The following GRIA3 variants were observed in gnomAD, a reference collection of about 807,000 sequenced individuals.
GRIA3 encodes glutamate ionotropic receptor AMPA type subunit 3, also known as glutamate receptor 3.
A neutral mutation model predicts 63.0 loss-of-function variants in GRIA3; 3 were observed. The ratio of observed to expected loss-of-function variants is 0.05; its 90% CI spans 0.02 to 0.12. The LOEUF is 0.12. Among genes scored for constraint, GRIA3 ranks in the 10% least tolerant of loss-of-function variants. The probability of loss-of-function intolerance (pLI) is 1.00; values close to 1 mark genes in which losing one functional copy is unlikely to be tolerated. For synonymous variants in GRIA3, 274 were observed against 257.9 expected (o/e 1.06, Z -0.60); for missense variants, 347 against 700.9 (o/e 0.50, Z 5.70).
intron 3 of GRIA3, among the ~76,000 whole-genome samples, chrX:123,297,645 G>A (rs1343970860): frequency 1.8e-5 from 2 of 111,703 alleles, no homozygotes; most frequent in Non-Finnish European, 3.8e-5. Context: ...GGCAAAGTGC[G>A]TAGGCTCTAA....
intron 8 of GRIA3, 136 bp from the exon 9 acceptor site, chrX:123,403,276 T>C: frequency 1.6e-6 from 1 of 615,708 alleles, no homozygotes. Flanking sequence ...CTGGTGGGAA[T>C]TACAAGACCC....
chrX:123,290,060 T>C (rs986830007), intron 3 of GRIA3, among the ~76,000 whole-genome samples: 2 of 110,797 alleles, frequency 1.8e-5, no homozygotes, highest in African/African-American at 6.6e-5. Flanking sequence ...CATTAAGATA[T>C]AGGAGAAAAA....
chrX:123,475,251 C>T (rs767666286), intron 13 of GRIA3, among the ~76,000 whole-genome samples: 70 of 112,342 alleles, frequency 6.2e-4, no homozygotes, highest in African/African-American at 2.2e-3. Context: ...CCACCTCAAA[C>T]ATTTTTTTAG....
chrX:123,445,773 T>C (rs1243382537), intron 12 of GRIA3, among the ~76,000 whole-genome samples: 2 of 112,263 alleles, frequency 1.8e-5, no homozygotes, highest in African/African-American at 6.5e-5. Flanking sequence ...GTGCATTTAG[T>C]GCATTTGGGT....
intron 3 of GRIA3, among the ~76,000 whole-genome samples, chrX:123,278,764 A>G (rs1603064945): frequency 2.7e-5 from 3 of 111,576 alleles, no homozygotes; most frequent in Admixed American, 1.9e-4. Flanking sequence ...TGGGTTTTCT[A>G]TTCTCTTCCA....
At chrX:123,214,751 T>C (rs1928118579) in intron 2 of GRIA3, among the ~76,000 whole-genome samples, 1 of 112,353 alleles carries the variant, frequency 8.9e-6, no homozygotes, top group Non-Finnish European at 1.9e-5. Flanking sequence ...TTTATTTTTC[T>C]TAACTCAGTT....
chrX:123,382,319 A>T (rs2045329254), intron 5 of GRIA3, among the ~76,000 whole-genome samples: 1 of 111,199 alleles, frequency 9.0e-6, no homozygotes, highest in African/African-American at 3.3e-5. Context: ...CAGCTAAAAA[A>T]AAAGCAGGTT....
chrX:123,325,972 T>C (rs2044899864), intron 3 of GRIA3, 54 bp from the exon 4 acceptor site: 1 of 1,019,762 alleles, frequency 9.8e-7, no homozygotes, highest in Non-Finnish European at 1.4e-6. Context: ...AGTAGAATCT[T>C]TAATACCTAC....
intron 15 of GRIA3, among the ~76,000 whole-genome samples, chrX:123,483,564 C>T (rs2045923871): frequency 8.9e-6 from 1 of 112,087 alleles, no homozygotes; most frequent in Admixed American, 9.4e-5. Context: ...ATCAAATGTT[C>T]AGTAGTCACA....
At chrX:123,463,939 G>A (rs1026051552) in intron 12 of GRIA3, among the ~76,000 whole-genome samples, 6 of 110,850 alleles carry the variant, frequency 5.4e-5, no homozygotes, top group Non-Finnish European at 7.6e-5. Flanking sequence ...TTGGGGTACC[G>A]TGTCTATTTC....
At chrX:123,223,441 T>C (rs1324814797) in intron 2 of GRIA3, among the ~76,000 whole-genome samples, 1 of 112,644 alleles carries the variant, frequency 8.9e-6, no homozygotes, top group Non-Finnish European at 1.9e-5. Flanking sequence ...TGCTCTGGGC[T>C]TACTGAGAGC....
chrX:123,360,519 TAAAAAAAAAAAAAA>T (rs752270406), intron 5 of GRIA3, among the ~76,000 whole-genome samples: 1 of 42,334 alleles, frequency 2.4e-5, no homozygotes, highest in African/African-American at 1.1e-4. Context: ...TGTCTCTACT[TAAAAAAAAAAAAAA>T]AAAAAAAAAA....
At chrX:123,290,795 G>A (rs1293805021) in intron 3 of GRIA3, among the ~76,000 whole-genome samples, 2 of 111,428 alleles carry the variant, frequency 1.8e-5, no homozygotes, top group East Asian at 5.6e-4. Context: ...AATAAAATCT[G>A]TGAAAGTAAT....
At chrX:123,185,239 A>G (rs1256668936) in intron 1 of GRIA3, among the ~76,000 whole-genome samples, 1 of 111,697 alleles carries the variant, frequency 9.0e-6, no homozygotes, top group African/African-American at 3.3e-5. Flanking sequence ...CGGCGAAGTC[A>G]CGCAGACCAC....
intron 4 of GRIA3, among the ~76,000 whole-genome samples, chrX:123,336,897 T>C (rs889381867): frequency 1.2e-4 from 13 of 111,921 alleles, no homozygotes; most frequent in African/African-American, 4.2e-4. Flanking sequence ...TAAGGTATTC[T>C]AAGATCCTCA....
At chrX:123,212,755 TC>T (rs1928070618) in intron 2 of GRIA3, among the ~76,000 whole-genome samples, 1 of 112,255 alleles carries the variant, frequency 8.9e-6, no homozygotes, top group Admixed American at 9.4e-5. Context: ...GGTAATAATA[TC>T]AGAAATAATA....
intron 3 of GRIA3, among the ~76,000 whole-genome samples, chrX:123,301,302 T>C (rs2044721620): frequency 9.0e-6 from 1 of 111,549 alleles, no homozygotes; most frequent in African/African-American, 3.3e-5. Context: ...TCTGGGAGTC[T>C]AAATCTCTTT....
At chrX:123,311,688 T>C in intron 3 of GRIA3, among the ~76,000 whole-genome samples, 1 of 112,187 alleles carries the variant, frequency 8.9e-6, no homozygotes, top group Non-Finnish European at 1.9e-5. Flanking sequence ...AAACATACCA[T>C]TAGCCAGAGA....
chrX:123,447,378 C>T (rs1016845259), intron 12 of GRIA3, among the ~76,000 whole-genome samples: 1 of 112,062 alleles, frequency 8.9e-6, no homozygotes, highest in African/African-American at 3.2e-5. Context: ...AAGTTCTTTA[C>T]GATTCAACAT....
Sources: allele counts gnomAD v4.1 joint callset (sites outside exome capture counted in the v4.1 genomes callset), GRCh38; gene constraint gnomAD v4.1.1; transcripts MANE v1.5; gene names NCBI Gene and HGNC (gene_info 2026-07-23, HGNC 2026-07-21).